The following GRID2 variants were observed in gnomAD, a reference collection of about 807,000 sequenced individuals.
The protein encoded by GRID2 is glutamate ionotropic receptor delta type subunit 2.
In GRID2, 33 loss-of-function variants were observed where a neutral mutation model predicts 114.8. The ratio of observed to expected loss-of-function variants is 0.29; its 90% confidence interval spans 0.22 to 0.38. GRID2 has a LOEUF of 0.38. GRID2 is among the 10% of genes least tolerant of loss of function. GRID2 has a pLI of 1.00. For synonymous variants in GRID2, 505 were observed against 449.9 expected, an observed-to-expected ratio of 1.12 and a Z score of -1.55; for missense variants, 1,184 against 1,257.7, an observed-to-expected ratio of 0.94 and a Z score of 0.89.
At chr4:93,088,072 AT>A (rs1366776733) in intron 3 of GRID2, among the ~76,000 whole-genome samples, 1 of 152,160 alleles carries the variant, frequency 6.6e-6, no homozygotes, top group Non-Finnish European at 1.5e-5. Context: ...ATAGAAAAAA[AT>A]ATATACTTTT....
chr4:93,140,343 A>T (rs1579098043), intron 4 of GRID2, among the ~76,000 whole-genome samples: 1 of 151,932 alleles, frequency 6.6e-6, no homozygotes, highest in African/African-American at 2.4e-5. Context: ...TATTTTTAGT[A>T]GAGACGGGGT....
At chr4:93,184,495 CA>C (rs1297802279) in intron 4 of GRID2, among the ~76,000 whole-genome samples, 1 of 127,258 alleles carries the variant, frequency 7.9e-6, no homozygotes, top group African/African-American at 3.0e-5. Context: ...TCACTTTAGC[CA>C]TATTATTTCT....
chr4:92,614,028 CTG>C lies in GRID2; in HGVS notation c.244+23746_244+23747del, dbSNP rs199633977. Among the ~76,000 whole-genome samples, 510 of 151,408 alleles carry C rather than the reference CTG, an allele frequency of 3.4e-3. 3 individuals carry two copies. The highest frequency in any genetic ancestry group is 0.01 in the African/African-American group (427 of 41,428). ...TCCATCACTTCAAACAGTTGTTTTT[CTG>C]TGTTTGTTGGTGCATTCCATATCCT... On this transcript the variant is annotated intron_variant, in intron 2 of 15. Transcript: ENST00000282020.
intron 10 of GRID2, among the ~76,000 whole-genome samples, chr4:93,432,311 G>GGATA (rs1261873841): frequency 1.1e-4 from 17 of 152,138 alleles, no homozygotes; most frequent in Non-Finnish European, 1.3e-4. Flanking sequence ...GAGACATGGT[G>GGATA]GATAAACTTG....
At chr4:92,309,359 C>T (rs1255109397) in intron 1 of GRID2, among the ~76,000 whole-genome samples, 1 of 151,866 alleles carries the variant, frequency 6.6e-6, no homozygotes, top group African/African-American at 2.4e-5. Context: ...GTAAGATATT[C>T]ACATTTCTAT....
At position 93,355,613 on chromosome 4, in the gene GRID2, C is replaced by A. The variant is rs1296698603; in HGVS notation, c.1246-39994C>A. ...GTTAAGCAATCGATCTTGTGATTCA[C>A]GAACTGGAAAAACAAACTCCACTTC... On this transcript the variant is annotated intron_variant, in intron 8 of 15. Coordinates refer to ENST00000282020, the MANE Select transcript of GRID2 (RefSeq NM_001510.4). Among the ~76,000 whole-genome samples, 5 of 152,080 alleles carry A rather than the reference C, an allele frequency of 3.3e-5. No individual in the cohort carries two copies. The East Asian group carries it at 9.7e-4, about 29-fold the overall frequency.
chr4:93,169,276 A>T (rs1738570271), intron 4 of GRID2, among the ~76,000 whole-genome samples: 1 of 152,066 alleles, frequency 6.6e-6, no homozygotes, highest in South Asian at 2.1e-4. Context: ...TTATTGATGT[A>T]CTTTCACACC....
At chr4:93,284,757 T>C (rs1752973175) in intron 8 of GRID2, among the ~76,000 whole-genome samples, 1 of 151,846 alleles carries the variant, frequency 6.6e-6, no homozygotes, top group Non-Finnish European at 1.5e-5. Flanking sequence ...TTAATTTGTA[T>C]GAAATATATG....
intron 1 of GRID2, among the ~76,000 whole-genome samples, chr4:92,425,417 T>C (rs1210797714): frequency 2.0e-5 from 3 of 152,084 alleles, no homozygotes; most frequent in Non-Finnish European, 4.4e-5. Context: ...AAGTGTTAGC[T>C]AGCGACTGAT....
intron 8 of GRID2, among the ~76,000 whole-genome samples, chr4:93,252,302 C>T (rs1207624209): frequency 6.7e-6 from 1 of 148,530 alleles, no homozygotes; most frequent in Non-Finnish European, 1.5e-5. Context: ...GTTATTTCAG[C>T]ACCTTTTATT....
intron 14 of GRID2, among the ~76,000 whole-genome samples, chr4:93,677,242 G>C (rs1280491198): frequency 6.6e-6 from 1 of 152,206 alleles, no homozygotes; most frequent in African/African-American, 2.4e-5. Flanking sequence ...GCCCGCCATT[G>C]CCCAGGCTCC....
intron 2 of GRID2, among the ~76,000 whole-genome samples, chr4:92,893,553 G>T (rs1292733707): frequency 6.6e-6 from 1 of 152,058 alleles, no homozygotes; most frequent in East Asian, 1.9e-4. Flanking sequence ...GATCCCAAAA[G>T]TATGCTTCTA....
chr4:92,920,711 A>G (rs1311073042), intron 2 of GRID2, among the ~76,000 whole-genome samples: 1 of 152,140 alleles, frequency 6.6e-6, no homozygotes, highest in Non-Finnish European at 1.5e-5. Context: ...TTCTGCGGAG[A>G]GATCAGCTGT....
At chr4:92,712,907 C>T (rs1225785697) in intron 2 of GRID2, among the ~76,000 whole-genome samples, 3 of 151,810 alleles carry the variant, frequency 2.0e-5, no homozygotes, top group Admixed American at 1.3e-4. Context: ...AGGGGTAACT[C>T]AGGGATAGAG....
intron 13 of GRID2, among the ~76,000 whole-genome samples, chr4:93,605,172 C>T (rs1740096454): frequency 1.3e-5 from 2 of 152,050 alleles, no homozygotes; most frequent in African/African-American, 4.8e-5. Flanking sequence ...TTTGCAATGT[C>T]CAATGTGATA....
In GRID2 at chr4:93,422,890, C is replaced by T. The variant is rs140894316; in HGVS notation, c.1467C>T (p.Tyr489=). 2.0e-4 allele frequency: 330 copies of T among 1,613,402 alleles called. No individual in the cohort carries two copies. In the African/African-American group the frequency reaches 3.5e-3, roughly 17 times the overall value. The change falls in exon 10 of 16, where the codon TAC becomes TAT. Residue 489 remains tyrosine (Y), a synonymous_variant. Coordinates refer to ENST00000282020, the MANE Select transcript of GRID2 (RefSeq NM_001510.4). ...ACCTGGGTTTTAACTACGAAATTTA[C>T]GTAGCACCGGATCACAAATACGGAA... ...SNYLGFNYEI[Y]VAPDHKYGSP...
At chr4:93,568,844 T>A (rs1455324401) in intron 13 of GRID2, among the ~76,000 whole-genome samples, 1 of 152,142 alleles carries the variant, frequency 6.6e-6, no homozygotes, top group African/African-American at 2.4e-5. Flanking sequence ...TGAGTTGGCA[T>A]GTTATGTATA....
chr4:92,959,714 A>G (rs907443538), intron 2 of GRID2, among the ~76,000 whole-genome samples: 1 of 152,100 alleles, frequency 6.6e-6, no homozygotes, highest in Admixed American at 6.6e-5. Context: ...AGGGACATGG[A>G]TGAAGCTGGA....
At chr4:93,090,087 C>T (rs974942188) in intron 3 of GRID2, among the ~76,000 whole-genome samples, 2 of 152,108 alleles carry the variant, frequency 1.3e-5, no homozygotes, top group African/African-American at 2.4e-5. Flanking sequence ...CTTTCTACAA[C>T]GTTGTTGGCT....
Sources: gnomAD v4.1 joint callset for allele counts (sites outside exome capture counted in the v4.1 genomes callset) on GRCh38, gnomAD v4.1.1 for gene constraint, MANE v1.5 for transcripts, NCBI Gene and HGNC (gene_info 2026-07-23, HGNC 2026-07-21) for gene names.